TNFRSF19: variants seen among roughly 807,000 people sequenced by gnomAD.
TNFRSF19 encodes the protein TNF receptor superfamily member 19.
TNFRSF19 carries 27 observed loss-of-function variants against 46.4 expected under a neutral mutation model. The ratio of observed to expected loss-of-function variants is 0.58; its 90% CI spans 0.43 to 0.80. TNFRSF19 has a LOEUF of 0.80. Among genes scored for constraint, TNFRSF19 ranks in the 30% least tolerant of loss-of-function variants. The pLI, the probability that TNFRSF19 is intolerant of heterozygous loss-of-function variation, is 0.00. For synonymous variants in TNFRSF19, 204 were observed against 205.0 expected (o/e 1.00, Z 0.04); for missense variants, 511 against 530.8 (o/e 0.96, Z 0.37).
intron 9 of TNFRSF19, among the ~76,000 whole-genome samples, chr13:23,670,257 C>T (rs1951737716): frequency 6.6e-6 from 1 of 152,190 alleles, no homozygotes; most frequent in Non-Finnish European, 1.5e-5. Context: ...CTCAGTGGAG[C>T]AATCACAGCT....
rs1879178298 is a variant in TNFRSF19 at position 23,590,337 on chromosome 13, ATTT to A, written c.69+89_69+91del. On this transcript the variant is annotated intron_variant, in intron 2 of 9. Transcript: ENST00000248484. ...GTAGTAGGAGTACCAAAATCATTTT[ATTT>A]TTTATTTTTTTTGAGACAGAGTCTT... is the stretch of plus-strand genomic sequence containing the variant. 7.3e-6 allele frequency: 6 copies of A among 826,112 alleles called. No individual in the cohort carries two copies. The South Asian group carries it at 1.1e-4, about 16-fold the overall frequency. 51.2% of individuals were successfully genotyped at this position (826,112 alleles called of 1,614,324 possible).
At chr13:23,639,344 G>A (rs1882891929) in intron 5 of TNFRSF19, among the ~76,000 whole-genome samples, 1 of 152,178 alleles carries the variant, frequency 6.6e-6, no homozygotes, top group African/African-American at 2.4e-5. Context: ...AGTGAGCCAA[G>A]ATCATGCCAC....
At chr13:23,586,543 C>A (rs947880865) in intron 1 of TNFRSF19, among the ~76,000 whole-genome samples, 1 of 152,232 alleles carries the variant, frequency 6.6e-6, no homozygotes. Context: ...AAGCCCAGAG[C>A]TGCCCTTCCC....
rs1491209990 is a variant in TNFRSF19 at position 23,591,726 on chromosome 13, TTC to T, written c.69+1476_69+1477del. 5.5e-5 allele frequency among the ~76,000 whole-genome samples: 7 copies of T among 127,150 alleles called. No individual in the cohort carries two copies. The South Asian group carries it at 7.7e-4, about 14-fold the overall frequency. 83.4% of individuals were successfully genotyped at this position (127,150 alleles called of 152,430 possible). On this transcript the variant is annotated intron_variant, in intron 2 of 9. Transcript: ENST00000248484. The stretch of plus-strand genomic sequence containing the variant: ...AGCCTTAAAAATTTTCTTTCTTTCT[TTC>T]TTTTTTTTTTTTTTTTGAGACGAAG...
chr13:23,671,272 C>T (rs1485726281), intron 9 of TNFRSF19, among the ~76,000 whole-genome samples: 2 of 152,068 alleles, frequency 1.3e-5, no homozygotes, highest in African/African-American at 4.8e-5. Flanking sequence ...CTAAACTGAA[C>T]CTGATGAGAA....
chr13:23,616,390 A>G (rs4770468), intron 4 of TNFRSF19, among the ~76,000 whole-genome samples: 63,123 of 152,056 alleles, frequency 0.42, 13,527 homozygotes, highest in Middle Eastern at 0.56. Flanking sequence ...GTGACTGGCA[A>G]TCCTCTGACA....
intron 5 of TNFRSF19, among the ~76,000 whole-genome samples, chr13:23,628,472 A>G (rs1428080884): frequency 6.6e-6 from 1 of 152,196 alleles, no homozygotes; most frequent in Admixed American, 6.5e-5. Flanking sequence ...GTGAGTTAAA[A>G]TCATGCACTG....
At chr13:23,584,555 T>G (rs1878689102) in intron 1 of TNFRSF19, among the ~76,000 whole-genome samples, 1 of 152,022 alleles carries the variant, frequency 6.6e-6, no homozygotes. Context: ...AGTATCTCTT[T>G]TGTATAATGA....
chr13:23,668,928 C>T lies in TNFRSF19; in HGVS notation c.1076C>T (p.Ala359Val). ...AGCAGTCAAGATTTGGTTGGTGGGG[C>T]TGTTCCAGTCCAGTCTCATTCTGAA... ...SNSSQDLVGG[A>V]VPVQSHSENF... The change falls in exon 9 of 10, where the codon GCT (alanine) becomes GTT (valine). Residue 359 changes from alanine to valine, a missense_variant. By Grantham distance (64) the Ala-to-Val change is moderately conservative. Around this residue, in one of 3 missense-constraint regions of TNFRSF19, gnomAD observed 376 missense variants for 372.7 expected, o/e 1.01. Coordinates refer to ENST00000248484, the MANE Select transcript of TNFRSF19 (RefSeq NM_148957.4). The T allele has an allele frequency of 1.2e-6, 2 of 1,614,268 alleles. No homozygotes were observed. Among genetic ancestry groups the T allele is most frequent in the Non-Finnish European group, 1.7e-6 (2 of 1,180,044 alleles).
intron 2 of TNFRSF19, among the ~76,000 whole-genome samples, chr13:23,591,661 A>G (rs1879301950): frequency 6.6e-6 from 1 of 151,756 alleles, no homozygotes; most frequent in African/African-American, 2.4e-5. Flanking sequence ...GTAAACTGCA[A>G]GACTGGGAGT....
rs751439184 is a variant in TNFRSF19 at position 23,593,501 on chromosome 13, G to T, written c.180+46G>T. ...AGTTGTGTATCTGTGTTTGTAAAATGCATTCGTCTTAACTCAATTCTTTGA... is the reference window on the plus strand; with the variant it reads ...AGTTGTGTATCTGTGTTTGTAAAATTCATTCGTCTTAACTCAATTCTTTGA... On this transcript the variant is annotated intron_variant, in intron 3 of 9. Transcript: ENST00000248484. The T allele has an allele frequency of 2.3e-6, 3 of 1,281,934 alleles. No homozygotes were observed. The East Asian group carries it at 7.1e-5, about 30-fold the overall frequency. 79.4% of individuals were successfully genotyped at this position (1,281,934 alleles called of 1,614,324 possible).
At chr13:23,604,259 A>C (rs566308695) in intron 3 of TNFRSF19, among the ~76,000 whole-genome samples, 5 of 149,784 alleles carry the variant, frequency 3.3e-5, no homozygotes, top group African/African-American at 7.4e-5. Flanking sequence ...TTATATTAGC[A>C]CCCCCCCCAA....
At chr13:23,590,609 A>G (rs2138180540) in intron 2 of TNFRSF19, among the ~76,000 whole-genome samples, 1 of 152,372 alleles carries the variant, frequency 6.6e-6, no homozygotes, top group Admixed American at 6.5e-5. Context: ...TGCCGGGATT[A>G]CAGGCATGAG....
intron 4 of TNFRSF19, among the ~76,000 whole-genome samples, chr13:23,619,114 G>A (rs754755208): frequency 6.6e-6 from 1 of 152,084 alleles, no homozygotes; most frequent in Non-Finnish European, 1.5e-5. Flanking sequence ...GCACAAAACC[G>A]ACTAAGACAA....
At position 23,583,186 on chromosome 13, in the gene TNFRSF19, G is replaced by A. The variant is rs541064115; in HGVS notation, c.-34-6964G>A. Among the ~76,000 whole-genome samples the A allele has an allele frequency of 1.5e-4, 23 of 152,232 alleles. No homozygotes were observed. The East Asian group carries it at 4.1e-3, about 27-fold the overall frequency. On this transcript the variant is annotated intron_variant, in intron 1 of 9. Coordinates refer to ENST00000248484, the MANE Select transcript of TNFRSF19 (RefSeq NM_148957.4). ...TTCTAGTAACAGTGTATGGGAGTTCGAATTCTCCAAATCTTCACCAACAAT... is the reference window on the plus strand; with the variant it reads ...TTCTAGTAACAGTGTATGGGAGTTCAAATTCTCCAAATCTTCACCAACAAT...
Position 23,626,750 on chromosome 13 carries a change from T to A in TNFRSF19, c.403T>A (p.Cys135Ser), listed in dbSNP as rs1882040668. ...TKLVGFQDME[C>S]VPCGDPPPPY... ...ACTTGTCGGCTTTCAAGACATGGAG[T>A]GTGTGCCTTGTGGAGACCCTCCTCC... is the stretch of plus-strand genomic sequence containing the variant. Residue 135 changes from cysteine to serine, a missense_variant, in exon 5 of 10, where the codon TGT becomes AGT. Physicochemically the swap from Cys to Ser is moderately radical, Grantham distance 112. Around this residue, in one of 3 missense-constraint regions of TNFRSF19, gnomAD observed 376 missense variants for 372.7 expected, o/e 1.01. Coordinates refer to ENST00000248484, the MANE Select transcript of TNFRSF19 (RefSeq NM_148957.4). 2 of 1,614,008 alleles carry A rather than the reference T, an allele frequency of 1.2e-6. No individual in the cohort carries two copies. Among genetic ancestry groups the A allele is most frequent in the East Asian group, 4.5e-5 (2 of 44,870 alleles).
rs1206802724 is a variant in TNFRSF19 at position 23,660,405 on chromosome 13, G to A, written c.651G>A (p.Glu217=). ...AGGACATTCAGTACAACGGCTCTGA[G>A]CTGTCGTGTTTTGACAGACCTCAGC... The part of the protein sequence containing the change: ...RSQDIQYNGS[E]LSCFDRPQLH... The change falls in exon 7 of 10, where the codon GAG becomes GAA. Residue 217 remains glutamate (E), a synonymous_variant. Transcript: ENST00000248484. 6.2e-7 allele frequency: 1 copy of A among 1,613,862 alleles called. No individual in the cohort carries two copies. The highest frequency in any genetic ancestry group is 8.5e-7 in the Non-Finnish European group (1 of 1,180,040).
intron 4 of TNFRSF19, among the ~76,000 whole-genome samples, chr13:23,616,576 GTTTGT>G (rs571410238): frequency 9.4e-6 from 1 of 106,240 alleles, no homozygotes; most frequent in Non-Finnish European, 2.4e-5. Flanking sequence ...TTGTTTGTTT[GTTTGT>G]TTTGTTTTGT....
At chr13:23,611,126 G>GCACACACA (rs34837771) in intron 3 of TNFRSF19, among the ~76,000 whole-genome samples, 148 of 147,764 alleles carry the variant, frequency 1.0e-3, no homozygotes, top group African/African-American at 3.5e-3. Flanking sequence ...ACACACATGT[G>GCACACACA]CACACACACA....
Sources: allele counts gnomAD v4.1 joint callset (sites outside exome capture counted in the v4.1 genomes callset), GRCh38; gene constraint gnomAD v4.1.1; regional missense constraint gnomAD v4.1.1; transcripts MANE v1.5; gene names NCBI Gene and HGNC (gene_info 2026-07-23, HGNC 2026-07-21).